Variants in RSBN1L observed in about 807,000 individuals in gnomAD.
RSBN1L encodes lysine-specific demethylase RSBN1L.
RSBN1L carries 30 observed loss-of-function variants against 67.7 expected under a neutral mutation model. The ratio of observed to expected loss-of-function variants is 0.44; its 90% confidence interval spans 0.33 to 0.60. RSBN1L has a LOEUF of 0.60. Ranked by LOEUF, RSBN1L falls within the 20% of genes least tolerant of loss-of-function variation. RSBN1L has a pLI of 0.02. For missense variants in RSBN1L, 992 were observed against 1,031.7 expected (o/e 0.96, Z 0.53); for synonymous variants, 433 against 387.0 (o/e 1.12, Z -1.39).
rs796425611 is a variant in RSBN1L, at chr7:77,756,914, C to CT, written c.1344+6851dup. Reference sequence around the variant, plus strand: ...CTTATATAATGATAGAAGCTGCGCACTGCAGCCATTCAGTGATGTGAATGG... The same window carrying CT: ...CTTATATAATGATAGAAGCTGCGCACTTGCAGCCATTCAGTGATGTGAATGG... On this transcript the variant is annotated intron_variant, in intron 3 of 7. Transcript: ENST00000334955. 1.1e-3 allele frequency among the ~76,000 whole-genome samples: 162 copies of CT among 152,328 alleles called. 1 individual carries two copies. Among genetic ancestry groups the CT allele is most frequent in the African/African-American group, 3.7e-3 (153 of 41,566 alleles).
rs560481939 is a variant in RSBN1L at position 77,747,914 on chromosome 7, G to C, written c.704-1510G>C. ...TGCTGGCATCTGCTCAGCTTCTCGG[G>C]GGGGAGCTCAGGAAACTTTCAGTCA... On this transcript the variant is annotated intron_variant, in intron 2 of 7. Coordinates refer to ENST00000334955, the MANE Select transcript of RSBN1L (RefSeq NM_198467.3). Among the ~76,000 whole-genome samples the C allele has an allele frequency of 1.9e-4, 29 of 151,200 alleles. No homozygotes were observed. The East Asian group carries it at 4.1e-3, about 21-fold the overall frequency.
chr7:77,779,101 T>C lies in RSBN1L; in HGVS notation c.2474T>C (p.Val825Ala). The C allele has an allele frequency of 6.2e-7, 1 of 1,613,632 alleles. No individual in the cohort carries two copies. The highest frequency in any genetic ancestry group is 8.5e-7 in the Non-Finnish European group (1 of 1,179,616). ...EELCPGNLSL[V>A]DTRQHSSAHS... is the part of the protein sequence containing the mutation. ...TTGTGCCCTGGAAATCTAAGTCTAG[T>C]TGATACAAGGCAACACAGTTCAGCA... The change falls in exon 8 of 8, where the codon GTT becomes GCT. Residue 825 changes from valine (V) to alanine (A), a missense_variant. Physicochemically the swap from Val to Ala is moderately conservative, Grantham distance 64. Coordinates refer to ENST00000334955, the MANE Select transcript of RSBN1L (RefSeq NM_198467.3).
At chr7:77,718,659 A>G (rs1263221886) in intron 1 of RSBN1L, among the ~76,000 whole-genome samples, 1 of 152,180 alleles carries the variant, frequency 6.6e-6, no homozygotes, top group East Asian at 1.9e-4. Context: ...TCTTGTATAT[A>G]CTTAAACAAA....
rs939066505 is a variant in RSBN1L, at chr7:77,780,968, T to G, written c.*1800T>G. 6.6e-6 allele frequency: 1 copy of G among 152,270 alleles called. No homozygotes were observed. Among genetic ancestry groups the G allele is most frequent in the East Asian group, 1.9e-4 (1 of 5,202 alleles). The allele number at this position is 152,270 out of a possible 1,614,324, so 9.4% of individuals were successfully genotyped here. A position where few individuals can be genotyped will look rare whatever the true frequency, so the allele number is the denominator to read the frequency against. ...TTGGTATTATTCTGGGCACATACTT[T>G]GGTTGATGACTTTCAATTGGGGTTC... On this transcript the variant is annotated 3_prime_UTR_variant, in exon 8 of 8. Transcript: ENST00000334955.
intron 3 of RSBN1L, among the ~76,000 whole-genome samples, chr7:77,750,310 T>TG (rs1791540642): frequency 6.8e-6 from 1 of 146,088 alleles, no homozygotes; most frequent in African/African-American, 2.5e-5. Context: ...TTTTTTTTTT[T>TG]TTTTTTTTTT....
intron 1 of RSBN1L, among the ~76,000 whole-genome samples, chr7:77,722,101 A>T (rs1232306190): frequency 2.6e-5 from 4 of 152,168 alleles, no homozygotes; most frequent in Non-Finnish European, 5.9e-5. Context: ...TTGTATTTGG[A>T]TGTTGGATGA....
chr7:77,761,907 G>T (rs1791701316), intron 3 of RSBN1L, among the ~76,000 whole-genome samples: 1 of 151,966 alleles, frequency 6.6e-6, no homozygotes, highest in Non-Finnish European at 1.5e-5. Flanking sequence ...GTTTATTCAG[G>T]TGGGTGATCA....
At chr7:77,724,926 T>C (rs2150417302) in intron 1 of RSBN1L, among the ~76,000 whole-genome samples, 1 of 150,572 alleles carries the variant, frequency 6.6e-6, no homozygotes, top group African/African-American at 2.4e-5. Flanking sequence ...CACTGCAACC[T>C]CCGCCTCCCG....
chr7:77,723,123 C>T (rs1278667273), intron 1 of RSBN1L, among the ~76,000 whole-genome samples: 2 of 151,848 alleles, frequency 1.3e-5, no homozygotes. Flanking sequence ...TGCGCCACCT[C>T]GCCTGGCTAA....
rs1208073981 is a variant in RSBN1L at position 77,709,194 on chromosome 7, G to GTA, written c.586+12140_586+12141insAT. On this transcript the variant is annotated intron_variant, in intron 1 of 7. Coordinates refer to ENST00000334955, the MANE Select transcript of RSBN1L (RefSeq NM_198467.3). ...TGTGTGTGTGTGTGTGTGTGTGTGTGTGTATGTATGTGTATGTGTATGTGT... is the reference window on the plus strand; with the variant it reads ...TGTGTGTGTGTGTGTGTGTGTGTGTGTATGTATGTATGTGTATGTGTATGTGT... Among the ~76,000 whole-genome samples the GTA allele has an allele frequency of 5.9e-3, 559 of 94,630 alleles. 2 individuals carry two copies. The highest frequency in any genetic ancestry group is 0.017 in the African/African-American group (442 of 26,228). The allele number at this position is 94,630 out of a possible 152,430, so 62.1% of individuals were successfully genotyped here.
intron 1 of RSBN1L, among the ~76,000 whole-genome samples, chr7:77,719,962 G>A (rs796850657): frequency 8.5e-5 from 13 of 152,130 alleles, no homozygotes; most frequent in African/African-American, 2.6e-4. Context: ...AAAGGGTCTC[G>A]CCATATTGTC....
intron 3 of RSBN1L, among the ~76,000 whole-genome samples, chr7:77,763,682 C>T (rs1209142748): frequency 6.6e-6 from 1 of 152,124 alleles, no homozygotes; most frequent in Non-Finnish European, 1.5e-5. Context: ...GCATAAGCCC[C>T]AGCTGTTCTT....
intron 1 of RSBN1L, among the ~76,000 whole-genome samples, chr7:77,722,449 T>TA (rs1286413150): frequency 1.3e-5 from 2 of 152,194 alleles, no homozygotes; most frequent in African/African-American, 4.8e-5. Context: ...AAGGAATTGA[T>TA]ACTGTTATGT....
chr7:77,765,417 G>A (rs899863156), intron 3 of RSBN1L, 78 bp from the exon 4 acceptor site: 3 of 1,117,764 alleles, frequency 2.7e-6, no homozygotes, highest in Admixed American at 2.7e-5. Flanking sequence ...ATTATCTTAT[G>A]TGTAACTTTT....
chr7:77,745,845 G>A (rs1295047160), intron 2 of RSBN1L, among the ~76,000 whole-genome samples: 1 of 152,216 alleles, frequency 6.6e-6, no homozygotes, highest in Non-Finnish European at 1.5e-5. Context: ...GCAGCTCCCA[G>A]CACTAGTATC....
chr7:77,741,209 A>G (rs1467879364), intron 2 of RSBN1L, among the ~76,000 whole-genome samples: 1 of 148,982 alleles, frequency 6.7e-6, no homozygotes, highest in Non-Finnish European at 1.5e-5. Context: ...CTGGTCTCGA[A>G]CTCCTGACCT....
chr7:77,758,072 C>T (rs999251985), intron 3 of RSBN1L, among the ~76,000 whole-genome samples: 1 of 151,920 alleles, frequency 6.6e-6, no homozygotes, highest in African/African-American at 2.4e-5. Context: ...ATAATGCTAT[C>T]CTCTAGGTAA....
intron 1 of RSBN1L, among the ~76,000 whole-genome samples, chr7:77,724,929 G>A (rs1168309199): frequency 1.3e-5 from 2 of 148,356 alleles, no homozygotes; most frequent in Non-Finnish European, 3.0e-5. Flanking sequence ...TGCAACCTCC[G>A]CCTCCCGGGT....
intron 1 of RSBN1L, among the ~76,000 whole-genome samples, chr7:77,703,019 A>C (rs755574769): frequency 6.6e-6 from 1 of 152,216 alleles, no homozygotes; most frequent in Non-Finnish European, 1.5e-5. Context: ...GATTCAGTCC[A>C]TAGTGAAGGG....
Sources: allele counts gnomAD v4.1 joint callset (sites outside exome capture counted in the v4.1 genomes callset), GRCh38; gene constraint gnomAD v4.1.1; transcripts MANE v1.5; gene names NCBI Gene and HGNC (gene_info 2026-07-23, HGNC 2026-07-21).